Variants in SYNE1 observed in about 807,000 individuals in gnomAD.
SYNE1 encodes the protein spectrin repeat containing nuclear envelope protein 1, also known as nesprin-1.
In SYNE1, 616 loss-of-function variants were observed where a neutral mutation model predicts 1,111.0. The ratio of observed to expected loss-of-function variants is 0.55; its 90% CI spans 0.52 to 0.59. SYNE1 has a LOEUF of 0.59. SYNE1 is among the 20% of genes least tolerant of loss of function. SYNE1 has a pLI of 0.00. For missense variants in SYNE1, 10,006 were observed against 10,417.0 expected (o/e 0.96, Z 1.72); for synonymous variants, 3,855 against 3,825.8 (o/e 1.01, Z -0.28).
At chr6:152,198,814 CA>C (rs1295846200) in intron 127 of SYNE1, among the ~76,000 whole-genome samples, 1 of 152,010 alleles carries the variant, frequency 6.6e-6, no homozygotes, top group East Asian at 1.9e-4. Context: ...ATAGCACCAT[CA>C]AAGGTCACAC....
rs552781378 is a variant in SYNE1 at position 152,443,463 on chromosome 6, A to T, written c.3837+948T>A. Among the ~76,000 whole-genome samples the T allele has an allele frequency of 9.2e-5, 14 of 152,176 alleles. No homozygotes were observed. The East Asian group carries it at 1.6e-3, about 17-fold the overall frequency. ...GTATATTTAGTAGAGACGGGGTTTC[A>T]CCACGTTAGCCAGGATGGTCTCGAT... On this transcript the variant is annotated intron_variant, in intron 30 of 145. Transcript: ENST00000367255.
chr6:152,284,409 C>T (rs1179054579), intron 95 of SYNE1, among the ~76,000 whole-genome samples: 1 of 152,124 alleles, frequency 6.6e-6, no homozygotes, highest in Non-Finnish European at 1.5e-5. Flanking sequence ...ATTAATCTTT[C>T]TAGTTTTCAA....
chr6:152,535,360 A>G (rs2099229762), intron 4 of SYNE1, among the ~76,000 whole-genome samples: 1 of 152,198 alleles, frequency 6.6e-6, no homozygotes, highest in African/African-American at 2.4e-5. Context: ...GTTTTTCTGA[A>G]AAGTGAGAAG....
At chr6:152,251,026 T>C (rs1354328444) in intron 104 of SYNE1, among the ~76,000 whole-genome samples, 2 of 152,154 alleles carry the variant, frequency 1.3e-5, no homozygotes, top group Non-Finnish European at 2.9e-5. Context: ...CTCGGCTCAC[T>C]GGAACCTCAG....
chr6:152,254,747 A>G lies in SYNE1; in HGVS notation c.19470+133T>C, dbSNP rs1202574126. ...CTAATCCTTTAATTCAACCCCCTTC[A>G]TTTTCTACAATGCTCTTGTTCTTCA... On this transcript the variant is annotated intron_variant, in intron 104 of 145. Coordinates refer to ENST00000367255, the MANE Select transcript of SYNE1 (RefSeq NM_182961.4). 5.6e-6 allele frequency: 5 copies of G among 897,436 alleles called. No individual in the cohort carries two copies. In the African/African-American group the frequency reaches 6.7e-5, roughly 12 times the overall value. The allele number at this position is 897,436 out of a possible 1,614,324, so 55.6% of individuals were successfully genotyped here.
Position 152,353,736 on chromosome 6 carries a change from G to A in SYNE1, c.10935C>T (p.His3645=), listed in dbSNP as rs201704617. The A allele has an allele frequency of 6.6e-5, 106 of 1,613,812 alleles. No homozygotes were observed. The highest frequency in any genetic ancestry group is 1.6e-4 in the South Asian group (15 of 91,082). The stretch of plus-strand genomic sequence containing the variant: ...CATCTCTGTATGCAGTCACTTCTTC[G>A]TGCCACTTCTGAAATGACAAAGTAT... ...EIQLHQMKKW[H]EEVTAYRDEV... is the part of the protein sequence containing the mutation. Residue 3645 remains histidine (H), a synonymous_variant, in exon 68 of 146, where the codon CAC becomes CAT. Coordinates refer to ENST00000367255, the MANE Select transcript of SYNE1 (RefSeq NM_182961.4).
At chr6:152,278,376 C>G in intron 97 of SYNE1, 96 bp from the exon 98 acceptor site, 2 of 1,405,224 alleles carry the variant, frequency 1.4e-6, no homozygotes, top group South Asian at 2.3e-5. Flanking sequence ...GAGTCTTTTA[C>G]GAAACGGACA....
intron 85 of SYNE1, 36 bp from the exon 86 acceptor site, chr6:152,318,299 C>T (rs143400026): frequency 6.2e-7 from 1 of 1,611,884 alleles, no homozygotes; most frequent in Non-Finnish European, 8.5e-7. Flanking sequence ...CATTAGAGTA[C>T]AGAAAATAAA....
intron 5 of SYNE1, 112 bp downstream of exon 5, chr6:152,525,968 A>G (rs1360593205): frequency 3.2e-6 from 3 of 948,926 alleles, no homozygotes; most frequent in Non-Finnish European, 3.3e-6. Context: ...ACCAACCACG[A>G]CAAATAACTT....
At chr6:152,452,626 T>A (rs990182291) in intron 25 of SYNE1, among the ~76,000 whole-genome samples, 5 of 152,198 alleles carry the variant, frequency 3.3e-5, no homozygotes, top group African/African-American at 1.2e-4. Flanking sequence ...ATGTAGCGCA[T>A]GTGAAATATC....
In SYNE1 at chr6:152,224,505, C is replaced by T. The variant is rs1488536575; in HGVS notation, c.21511G>A (p.Asp7171Asn). The change falls in exon 117 of 146, where the codon GAC (aspartate) becomes AAC (asparagine). Residue 7171 changes from aspartate to asparagine, a missense_variant. Physicochemically the swap from Asp to Asn is conservative, Grantham distance 23. This residue lies in a region of SYNE1 where 2,182 missense variants were observed against 2,287.8 expected (regional missense o/e 0.95). Coordinates refer to ENST00000367255, the MANE Select transcript of SYNE1 (RefSeq NM_182961.4). The part of the protein sequence containing the change: ...GSLEAVQVQV[D>N]NLQNLQDDLE... ...AATTAATTCCTTACCTGAAGATTGT[C>T]CACCTGAACTTGCACAGCTTCTAAG... is the stretch of plus-strand genomic sequence containing the variant. 27 of 1,613,790 alleles carry T rather than the reference C, an allele frequency of 1.7e-5. No homozygotes were observed. The highest frequency in any genetic ancestry group is 2.3e-5 in the Non-Finnish European group (27 of 1,179,894).
Position 152,262,485 on chromosome 6 carries a change from T to C in SYNE1, c.18816-297A>G, listed in dbSNP as rs115976550. 0.012 allele frequency among the ~76,000 whole-genome samples: 1,871 copies of C among 152,284 alleles called. 43 individuals are homozygous for C. The highest frequency in any genetic ancestry group is 0.041 in the African/African-American group (1,716 of 41,558). ...TTACAGACTAGTATCCTTTGGCAAA[T>C]AGCAGAAAAGTTAGTTCAAAACCTT... is the stretch of plus-strand genomic sequence containing the variant. On this transcript the variant is annotated intron_variant, in intron 100 of 145. Coordinates refer to ENST00000367255, the MANE Select transcript of SYNE1 (RefSeq NM_182961.4).
intron 3 of SYNE1, among the ~76,000 whole-genome samples, chr6:152,557,396 G>T (rs1240382458): frequency 1.3e-5 from 2 of 151,902 alleles, no homozygotes; most frequent in Non-Finnish European, 2.9e-5. Context: ...AAGAAAGCTT[G>T]TTTAAAAAAA....
intron 140 of SYNE1, among the ~76,000 whole-genome samples, chr6:152,138,111 T>G (rs1017405012): frequency 6.6e-6 from 1 of 152,186 alleles, no homozygotes; most frequent in Non-Finnish European, 1.5e-5. Context: ...ACGTGGTACT[T>G]TGTCCTGAAA....
At chr6:152,321,439 C>T (rs1461369821) in intron 83 of SYNE1, 49 bp from the exon 84 acceptor site, 1 of 1,599,890 alleles carries the variant, frequency 6.3e-7, no homozygotes, top group Non-Finnish European at 8.5e-7. Flanking sequence ...TCTAAGGGGA[C>T]TGTTATAGAC....
At chr6:152,253,825 T>TTTTTTTG (rs2090084245) in intron 104 of SYNE1, among the ~76,000 whole-genome samples, 1 of 56,060 alleles carries the variant, frequency 1.8e-5, no homozygotes, top group Non-Finnish European at 3.0e-5. Flanking sequence ...TTGGTTTTTT[T>TTTTTTTG]TTTTTTTTTT....
At chr6:152,583,288 C>T (rs1176956772) in intron 3 of SYNE1, among the ~76,000 whole-genome samples, 2 of 152,090 alleles carry the variant, frequency 1.3e-5, no homozygotes, top group Non-Finnish European at 2.9e-5. Flanking sequence ...GTGGAGGGGC[C>T]TTTAGGATCA....
At chr6:152,286,926 C>T (rs1281593820) in intron 95 of SYNE1, among the ~76,000 whole-genome samples, 4 of 152,276 alleles carry the variant, frequency 2.6e-5, no homozygotes, top group South Asian at 4.1e-4. Flanking sequence ...AGAATACATT[C>T]GCATACGTTA....
At position 152,255,671 on chromosome 6, in the gene SYNE1, A is replaced by G. The variant is rs372723292; in HGVS notation, c.19180T>C (p.Leu6394=). 17 of 1,614,062 alleles carry G rather than the reference A, an allele frequency of 1.1e-5. No individual in the cohort carries two copies. In the Admixed American group the frequency reaches 1.5e-4, roughly 14 times the overall value. The change falls in exon 103 of 146, where the codon TTG becomes CTG. Residue 6394 remains leucine, a synonymous_variant. Coordinates refer to ENST00000367255, the MANE Select transcript of SYNE1 (RefSeq NM_182961.4). ...YDGVSATSTW[L]DDVEERLFVA... Reference sequence around the variant, plus strand: ...AATAAACGTTCTTCAACGTCATCCAACCAAGTAGAGGTGGCTGAGACTCCA... The same window carrying G: ...AATAAACGTTCTTCAACGTCATCCAGCCAAGTAGAGGTGGCTGAGACTCCA...
Sources: allele counts gnomAD v4.1 joint callset (sites outside exome capture counted in the v4.1 genomes callset), GRCh38; gene constraint gnomAD v4.1.1; regional missense constraint gnomAD v4.1.1; transcripts MANE v1.5; gene names NCBI Gene and HGNC (gene_info 2026-07-23, HGNC 2026-07-21).